The following DNHD1 variants were observed in gnomAD, a reference collection of about 807,000 sequenced individuals.
DNHD1 encodes dynein heavy chain domain-containing protein 1.
In DNHD1, 383 loss-of-function variants were observed where a neutral mutation model predicts 458.1. The ratio of observed to expected loss-of-function variants is 0.84; its 90% CI spans 0.77 to 0.91. DNHD1 has a LOEUF of 0.91. DNHD1 is among the 40% of genes least tolerant of loss of function. DNHD1 has a pLI of 0.00. For synonymous variants in DNHD1, 2,203 were observed against 2,376.9 expected, an observed-to-expected ratio of 0.93 and a Z score of 2.13; for missense variants, 5,336 against 5,866.1, an observed-to-expected ratio of 0.91 and a Z score of 2.95.
rs765874685 is a variant in DNHD1 at position 6,498,581 on chromosome 11, C to A, written c.366C>A (p.Leu122=). 6.2e-7 allele frequency: 1 copy of A among 1,614,130 alleles called. No individual in the cohort carries two copies. The highest frequency in any genetic ancestry group is 1.3e-5 in the African/African-American group (1 of 74,936). ...GGGCACCCTGGGTCCAAACCCACCT[C>A]CATCTGGACCTGCTAGGTGCCATTG... The part of the protein sequence containing the change: ...YCWAPWVQTH[L]HLDLLGAIVQ... Residue 122 remains leucine (L), a synonymous_variant, in exon 3 of 43, where the codon CTC becomes CTA. Coordinates refer to ENST00000254579, the MANE Select transcript of DNHD1 (RefSeq NM_144666.3).
intron 7 of DNHD1, among the ~76,000 whole-genome samples, chr11:6,518,821 G>A (rs1397524671): frequency 6.6e-6 from 1 of 152,144 alleles, no homozygotes; most frequent in Non-Finnish European, 1.5e-5. Flanking sequence ...GGACTTAACT[G>A]TCTTATGCTT....
At position 6,545,478 on chromosome 11, in the gene DNHD1, G is replaced by A; in HGVS notation, c.4539G>A (p.Val1513=). ...VQAFPWQCVL[V]AEEVVWRAEM... ...CCTTCCCATGGCAGTGTGTGCTGGT[G>A]GCAGAGGAGGTGGTATGGCGGGCCG... is the stretch of plus-strand genomic sequence containing the variant. Residue 1513 remains valine (V), a synonymous_variant, in exon 21 of 43, where the codon GTG becomes GTA. Transcript: ENST00000254579. This position sits in a 1 kb window ranked among gnomAD's most constrained non-coding sequence, Gnocchi z 4.9. 1 of 1,551,842 alleles carries A rather than the reference G, an allele frequency of 6.4e-7. No individual in the cohort carries two copies. Among genetic ancestry groups the A allele is most frequent in the Non-Finnish European group, 8.7e-7 (1 of 1,147,018 alleles).
chr11:6,559,136 C>G (rs1395570958), intron 27 of DNHD1, 30 bp downstream of exon 27: 6 of 1,551,548 alleles, frequency 3.9e-6, no homozygotes, highest in Non-Finnish European at 5.2e-6. Flanking sequence ...CAGTGTACCT[C>G]CTTCTGCTCC....
intron 10 of DNHD1, among the ~76,000 whole-genome samples, chr11:6,525,038 A>G (rs1006615105): frequency 2.0e-5 from 3 of 152,156 alleles, no homozygotes; most frequent in Non-Finnish European, 2.9e-5. Context: ...TGTGTGGCGG[A>G]GGAGGCCACA....
At chr11:6,538,362 C>T in intron 14 of DNHD1, 21 bp from the exon 15 acceptor site, 1 of 1,551,596 alleles carries the variant, frequency 6.4e-7, no homozygotes, top group Non-Finnish European at 8.7e-7. Flanking sequence ...GCCCAGGTCT[C>T]AAGTCAGCCC....
In DNHD1 at chr11:6,571,116, T is replaced by C; in HGVS notation, c.13604T>C (p.Leu4535Ser). 2 of 1,600,082 alleles carry C rather than the reference T, an allele frequency of 1.2e-6. No individual in the cohort carries two copies. The highest frequency in any genetic ancestry group is 2.2e-5 in the South Asian group (2 of 90,574). The part of the protein sequence containing the change: ...AHALWTGRLP[L>S]PWRPHAPAGP... ...GCTCTCTGGACTGGCCGCCTACCCT[T>C]GCCTTGGCGACCTCATGCGCCGGCC... The change falls in exon 42 of 43, where the codon TTG (leucine) becomes TCG (serine). Residue 4535 changes from leucine (L) to serine (S), a missense_variant. By Grantham distance (145) the Leu-to-Ser change is moderately radical. Around this residue, in one of 4 missense-constraint regions of DNHD1, gnomAD observed 698 missense variants for 664.9 expected, o/e 1.05. Transcript: ENST00000254579. This position sits in a 1 kb window ranked among gnomAD's most constrained non-coding sequence, Gnocchi z 5.0.
chr11:6,512,426 G>T (rs902102711), intron 7 of DNHD1, among the ~76,000 whole-genome samples: 4 of 151,516 alleles, frequency 2.6e-5, no homozygotes, highest in Non-Finnish European at 5.9e-5. Flanking sequence ...GTTTCACTGT[G>T]TTAGCCAGGA....
rs1258944561 is a variant in DNHD1 at position 6,534,975 on chromosome 11, G to A, written c.2998+802G>A. On this transcript the variant is annotated intron_variant, in intron 14 of 42. Coordinates refer to ENST00000254579, the MANE Select transcript of DNHD1 (RefSeq NM_144666.3). Reference sequence around the variant, plus strand: ...TTGCTCAGGCTGGTCTTGAACTCCTGGACTCAGGCAGTCCTTCTGCCACAG... The same window carrying A: ...TTGCTCAGGCTGGTCTTGAACTCCTAGACTCAGGCAGTCCTTCTGCCACAG... Among the ~76,000 whole-genome samples the A allele has an allele frequency of 2.0e-5, 3 of 152,192 alleles. No individual in the cohort carries two copies. The East Asian group carries it at 5.8e-4, about 29-fold the overall frequency.
intron 16 of DNHD1, 57 bp from the exon 17 acceptor site, chr11:6,539,162 T>C: frequency 8.2e-7 from 1 of 1,212,914 alleles, no homozygotes; most frequent in Non-Finnish European, 1.2e-6. Context: ...ATATGGGATA[T>C]GGGTTGGACT....
intron 37 of DNHD1, 54 bp from the exon 38 acceptor site, chr11:6,568,400 C>T: frequency 6.2e-7 from 1 of 1,605,206 alleles, no homozygotes; most frequent in Non-Finnish European, 8.5e-7. Flanking sequence ...GATTCCTAGA[C>T]TTCTGCCTGA....
intron 10 of DNHD1, among the ~76,000 whole-genome samples, chr11:6,526,051 G>A (rs1009968079): frequency 1.3e-5 from 2 of 151,008 alleles, no homozygotes; most frequent in Non-Finnish European, 3.0e-5. Context: ...TTTTTTTCTT[G>A]GGGGAATCTT....
intron 7 of DNHD1, among the ~76,000 whole-genome samples, chr11:6,514,723 T>C (rs1380999173): frequency 1.3e-5 from 2 of 152,198 alleles, no homozygotes; most frequent in Admixed American, 6.5e-5. Context: ...TTTATAAACA[T>C]GTATACATTA....
chr11:6,497,639 T>C lies in DNHD1; in HGVS notation c.-474T>C. 6.5e-6 allele frequency: 1 copy of C among 153,656 alleles called. No homozygotes were observed. The allele number at this position is 153,656 out of a possible 1,614,324, so 9.5% of individuals were successfully genotyped here. ...GCTGTGACCGAGGTTCAGAGTGAGC[T>C]CTGTCGGTGTGTCAGTTTGCCTCTT... On this transcript the variant is annotated 5_prime_UTR_variant, in exon 2 of 43. Transcript: ENST00000254579.
rs558400486 is a variant in DNHD1, at chr11:6,547,312, T to C, written c.6373T>C (p.Leu2125=). The change falls in exon 21 of 43, where the codon TTG becomes CTG. Residue 2125 remains leucine, a synonymous_variant. Transcript: ENST00000254579. The stretch of plus-strand genomic sequence containing the variant: ...AGCACGACCCCCAGGCACCTTTCTC[T>C]TGATGGAGGTGGCTGACACAACAGG... ...QIARPPGTFL[L]MEVADTTGIS... The C allele has an allele frequency of 3.0e-5, 46 of 1,551,652 alleles. No homozygotes were observed. Among genetic ancestry groups the C allele is most frequent in the Non-Finnish European group, 3.9e-5 (45 of 1,147,012 alleles).
Position 6,565,995 on chromosome 11 carries a change from A to G in DNHD1, c.11053+4A>G. ...CTCCAGGAGGCAGCTGCTTGTGGTG[A>G]GAGCTGGTCCCCACCCACCCTGGCC... On this transcript the variant is annotated splice_donor_region_variant and intron_variant, in intron 33 of 42. Transcript: ENST00000254579. The G allele has an allele frequency of 6.4e-7, 1 of 1,551,440 alleles. No homozygotes were observed. Among genetic ancestry groups the G allele is most frequent in the Non-Finnish European group, 8.7e-7 (1 of 1,146,916 alleles).
rs59300977 is a variant in DNHD1 at position 6,517,652 on chromosome 11, CTTTTTTT to C, written c.1393-1920_1393-1914del. ...ACAAATACTGTATGATCTAGGACTTCTTTTTTTTTTTTTTTTTTTTTTTTTTTTTTTT... is the reference window on the plus strand; with the variant it reads ...ACAAATACTGTATGATCTAGGACTTCTTTTTTTTTTTTTTTTTTTTTTTTT... On this transcript the variant is annotated intron_variant, in intron 7 of 42. Transcript: ENST00000254579. Among the ~76,000 whole-genome samples, 562 of 58,982 alleles carry C rather than the reference CTTTTTTT, an allele frequency of 9.5e-3. 4 individuals are homozygous for C. The highest frequency in any genetic ancestry group is 0.011 in the Non-Finnish European group (343 of 31,610). 38.7% of individuals were successfully genotyped at this position (58,982 alleles called of 152,430 possible). A position where few individuals can be genotyped will look rare whatever the true frequency, so the allele number is the denominator to read the frequency against.
At chr11:6,530,039 TA>T (rs1852794982) in intron 12 of DNHD1, among the ~76,000 whole-genome samples, 1 of 152,204 alleles carries the variant, frequency 6.6e-6, no homozygotes, top group Non-Finnish European at 1.5e-5. Flanking sequence ...CTATCATCTA[TA>T]TCCCCTGCCA....
chr11:6,549,135 G>T (rs1482327051), intron 24 of DNHD1: 9 of 620,578 alleles, frequency 1.5e-5, no homozygotes, highest in African/African-American at 3.7e-5. Flanking sequence ...CTAAATCTCT[G>T]TGTCCAATCT....
rs1418133051 is a variant in DNHD1, at chr11:6,538,377, C to A, written c.2999-6C>A. On this transcript the variant is annotated splice_region_variant and splice_polypyrimidine_tract_variant and intron_variant, in intron 14 of 42. Transcript: ENST00000254579. ...GCCCAGGTCTCAAGTCAGCCCTCCC[C>A]CACAGAGGATGAGACTCCTGTGCCC... The A allele has an allele frequency of 1.9e-6, 3 of 1,551,738 alleles. No homozygotes were observed. The highest frequency in any genetic ancestry group is 2.6e-6 in the Non-Finnish European group (3 of 1,147,000).
Sources: gnomAD v4.1 joint callset for allele counts (sites outside exome capture counted in the v4.1 genomes callset) on GRCh38, gnomAD v4.1.1 for gene constraint, gnomAD v4.1.1 regional missense constraint, Gnocchi (gnomAD v3.1) non-coding constraint, MANE v1.5 for transcripts, NCBI Gene and HGNC (gene_info 2026-07-23, HGNC 2026-07-21) for gene names.